Variants in QSER1 observed in about 807,000 individuals in gnomAD.
QSER1 encodes glutamine and serine rich 1.
QSER1 carries 49 observed loss-of-function variants against 158.5 expected under a neutral mutation model. That is an observed-to-expected ratio of 0.31 (90% CI 0.25 to 0.39). The LOEUF (loss-of-function observed/expected upper bound fraction) is 0.39, where lower values mean the gene tolerates loss of function less well. QSER1 is among the 10% of genes least tolerant of loss of function. The pLI is 1.00. For missense variants in QSER1, 1,754 were observed against 2,010.3 expected, an observed-to-expected ratio of 0.87 and a Z score of 2.44; for synonymous variants, 650 against 715.5, an observed-to-expected ratio of 0.91 and a Z score of 1.46.
chr11:32,896,433 C>T (rs1286072378), intron 1 of QSER1, among the ~76,000 whole-genome samples: 1 of 152,142 alleles, frequency 6.6e-6, no homozygotes, highest in Non-Finnish European at 1.5e-5. Context: ...CAGCTCTCTG[C>T]ACCCTCTGCC....
Position 32,933,024 on chromosome 11 carries a change from A to G in QSER1, c.1766A>G (p.Tyr589Cys), listed in dbSNP as rs769388721. 8 of 1,612,590 alleles carry G rather than the reference A, an allele frequency of 5.0e-6. No homozygotes were observed. In the South Asian group the frequency reaches 5.5e-5, roughly 11 times the overall value. ...VLSVVSLSESYASGESLTLTA... is the reference protein window; with the variant it reads ...VLSVVSLSESCASGESLTLTA... ...TCAGTTGTTAGTCTTTCAGAAAGCT[A>G]TGCTTCAGGGGAGTCCCTAACATTA... Residue 589 changes from tyrosine to cysteine, a missense_variant, in exon 4 of 13, where the codon TAT becomes TGT. By Grantham distance (194) the Tyr-to-Cys change is radical. Transcript: ENST00000650167.
chr11:32,904,422 C>T (rs1406932401), intron 1 of QSER1, among the ~76,000 whole-genome samples: 1 of 151,834 alleles, frequency 6.6e-6, no homozygotes, highest in Non-Finnish European at 1.5e-5. Context: ...TAACTCCTGA[C>T]CTTGTGATCC....
At chr11:32,975,598 T>C in intron 12 of QSER1, 1 of 1,287,834 alleles carries the variant, frequency 7.8e-7, no homozygotes, top group Non-Finnish European at 1.0e-6. Context: ...GGTGCTTGCT[T>C]TACATCGCCA....
intron 7 of QSER1, among the ~76,000 whole-genome samples, chr11:32,957,068 A>T (rs1328859381): frequency 6.7e-6 from 1 of 150,252 alleles, no homozygotes; most frequent in Non-Finnish European, 1.5e-5. Flanking sequence ...CCCAGCTGGC[A>T]TACAGCAAAT....
In QSER1 at chr11:32,935,446, A is replaced by T; in HGVS notation, c.4177+11A>T. 6.8e-7 allele frequency: 1 copy of T among 1,464,334 alleles called. No homozygotes were observed. The highest frequency in any genetic ancestry group is 9.0e-7 in the Non-Finnish European group (1 of 1,105,590). The allele number at this position is 1,464,334 out of a possible 1,614,324, so 90.7% of individuals were successfully genotyped here. ...AAAAGAAGAAAACAGGTAAAGTTTT[A>T]CAATTTAGATTCATAATTATTACTT... is the stretch of plus-strand genomic sequence containing the variant. On this transcript the variant is annotated intron_variant, in intron 4 of 12. Transcript: ENST00000650167.
intron 3 of QSER1, among the ~76,000 whole-genome samples, chr11:32,931,079 CT>C (rs532201687): frequency 3.0e-3 from 450 of 147,714 alleles, no homozygotes; most frequent in Middle Eastern, 0.011. Flanking sequence ...GGCAATTTAG[CT>C]TTTTTTTTTC....
intron 1 of QSER1, among the ~76,000 whole-genome samples, chr11:32,913,563 T>C (rs1031170140): frequency 1.3e-5 from 2 of 152,230 alleles, no homozygotes; most frequent in Admixed American, 1.3e-4. Flanking sequence ...TATGTTTATT[T>C]ACTTATGCTC....
At position 32,929,098 on chromosome 11, in the gene QSER1, T is replaced by G. The variant is rs554086781; in HGVS notation, c.484+975T>G. 3.9e-5 allele frequency among the ~76,000 whole-genome samples: 6 copies of G among 152,194 alleles called. No individual in the cohort carries two copies. In the South Asian group the frequency reaches 1.2e-3, roughly 32 times the overall value. Reference sequence around the variant, plus strand: ...TTGTTTTTAAAGTTTTTGTGGTTTTTTAGGTTTCAATTTTGTTTTGTTTTG... The same window carrying G: ...TTGTTTTTAAAGTTTTTGTGGTTTTGTAGGTTTCAATTTTGTTTTGTTTTG... On this transcript the variant is annotated intron_variant, in intron 3 of 12. Coordinates refer to ENST00000650167, the MANE Select transcript of QSER1 (RefSeq NM_001076786.3).
Position 32,976,403 on chromosome 11 carries a change from G to A in QSER1, c.5524G>A (p.Val1842Ile), listed in dbSNP as rs906103849. 6.2e-7 allele frequency: 1 copy of A among 1,609,696 alleles called. No individual in the cohort carries two copies. The highest frequency in any genetic ancestry group is 1.3e-5 in the African/African-American group (1 of 74,572). The change falls in exon 13 of 13, where the codon GTA becomes ATA. Residue 1842 changes from valine (V) to isoleucine (I), a missense_variant. Physicochemically the swap from Val to Ile is conservative, Grantham distance 29. Transcript: ENST00000650167. Reference sequence around the variant, plus strand: ...AATTGTTCAACTTTGTATGAAAAATGTAAAATGGGTGGAGGACCTCTTTGA... The same window carrying A: ...AATTGTTCAACTTTGTATGAAAAATATAAAATGGGTGGAGGACCTCTTTGA... Reference protein sequence around the residue: ...EEIVQLCMKNVKWVEDLFEKF... With the variant: ...EEIVQLCMKNIKWVEDLFEKF...
chr11:32,937,523 A>G (rs547473217), intron 4 of QSER1, among the ~76,000 whole-genome samples: 14 of 152,006 alleles, frequency 9.2e-5, no homozygotes, highest in Admixed American at 1.3e-4. Context: ...CCTGGCCTCG[A>G]GCAGTCCTCC....
intron 1 of QSER1, among the ~76,000 whole-genome samples, chr11:32,909,379 T>C (rs1851735325): frequency 1.3e-5 from 2 of 152,194 alleles, no homozygotes; most frequent in Non-Finnish European, 2.9e-5. Flanking sequence ...GATTTTTTTT[T>C]AAACTAAAAG....
chr11:32,961,923 C>A (rs905093533), intron 8 of QSER1, among the ~76,000 whole-genome samples: 16 of 152,124 alleles, frequency 1.1e-4, no homozygotes, highest in African/African-American at 3.4e-4. Context: ...TTTTGGCTAA[C>A]TGAATAATTG....
intron 4 of QSER1, among the ~76,000 whole-genome samples, chr11:32,936,435 A>G (rs768811566): frequency 2.6e-5 from 4 of 152,130 alleles, no homozygotes; most frequent in Non-Finnish European, 5.9e-5. Context: ...CCAGTCTATC[A>G]TTGTTGGACA....
chr11:32,964,735 TATATACAC>T (rs1490140453), intron 8 of QSER1, among the ~76,000 whole-genome samples: 22 of 116,656 alleles, frequency 1.9e-4, no homozygotes, highest in African/African-American at 4.9e-4. Context: ...TATATATATA[TATATACAC>T]ACACACACAC....
chr11:32,964,883 T>A (rs1852710201), intron 8 of QSER1, among the ~76,000 whole-genome samples: 1 of 151,302 alleles, frequency 6.6e-6, no homozygotes. Flanking sequence ...ATACAAAAAG[T>A]CAAAATTGAA....
chr11:32,928,215 G>A (rs1851999738), intron 3 of QSER1, 92 bp downstream of exon 3: 1 of 752,008 alleles, frequency 1.3e-6, no homozygotes, highest in Non-Finnish European at 2.2e-6. Context: ...TGGGAGTTTT[G>A]TTACAATATT....
At chr11:32,944,870 T>C (rs1277740110) in intron 4 of QSER1, among the ~76,000 whole-genome samples, 1 of 140,542 alleles carries the variant, frequency 7.1e-6, no homozygotes, top group African/African-American at 2.7e-5. Context: ...TGTGGGAGTC[T>C]AAGTCTCTTT....
rs548163177 is a variant in QSER1 at position 32,955,552 on chromosome 11, T to G, written c.4617+140T>G. On this transcript the variant is annotated intron_variant, in intron 6 of 12. Coordinates refer to ENST00000650167, the MANE Select transcript of QSER1 (RefSeq NM_001076786.3). ...ATTTGAACTAGAATATTGATGCTCT[T>G]TGATAGTCTAATATAAAAATAAAGT... is the stretch of plus-strand genomic sequence containing the variant. 2.8e-5 allele frequency: 15 copies of G among 535,686 alleles called. No individual in the cohort carries two copies. In the African/African-American group the frequency reaches 2.8e-4, roughly 10 times the overall value. 33.2% of individuals were successfully genotyped at this position (535,686 alleles called of 1,614,324 possible). A position where few individuals can be genotyped will look rare whatever the true frequency, so the allele number is the denominator to read the frequency against.
At chr11:32,907,716 G>A (rs969181511) in intron 1 of QSER1, among the ~76,000 whole-genome samples, 1 of 152,196 alleles carries the variant, frequency 6.6e-6, no homozygotes, top group Non-Finnish European at 1.5e-5. Flanking sequence ...ACTTTTGTCT[G>A]TCTCCTAAAT....
Sources: gnomAD v4.1 joint callset for allele counts (sites outside exome capture counted in the v4.1 genomes callset) on GRCh38, gnomAD v4.1.1 for gene constraint, MANE v1.5 for transcripts, NCBI Gene and HGNC (gene_info 2026-07-23, HGNC 2026-07-21) for gene names.